Variants in ARRDC5 observed in about 807,000 individuals in gnomAD.
ARRDC5 encodes arrestin domain containing 5, also known as arrestin domain-containing protein 5.
In ARRDC5, 12 loss-of-function variants were observed where a neutral mutation model predicts 13.3. The ratio of observed to expected loss-of-function variants is 0.90; its 90% confidence interval spans 0.58 to 1.46. ARRDC5 has a LOEUF of 1.46. ARRDC5 is among the 40% of genes most tolerant of loss of function. The probability of loss-of-function intolerance (pLI) is 0.00; values close to 1 mark genes in which losing one functional copy is unlikely to be tolerated. For synonymous variants in ARRDC5, 181 were observed against 173.4 expected (o/e 1.04, Z -0.34); for missense variants, 406 against 418.7 (o/e 0.97, Z 0.26).
intron 2 of ARRDC5, among the ~76,000 whole-genome samples, chr19:4,892,237 G>A (rs1178378788): frequency 2.6e-5 from 4 of 151,788 alleles, no homozygotes; most frequent in Admixed American, 6.6e-5. Flanking sequence ...ACAGGCGCAC[G>A]CCACCACACC....
chr19:4,910,877 G>T, the ARRDC5 span: 539,003 of 1,601,638 alleles, frequency 0.34, 93,713 homozygotes, highest in African/African-American at 0.48. Context: ...TCCCCTCAGC[G>T]CCGACACCAT....
intron 1 of ARRDC5, among the ~76,000 whole-genome samples, chr19:4,899,894 G>C (rs985751485): frequency 6.8e-5 from 10 of 146,758 alleles, no homozygotes; most frequent in African/African-American, 2.5e-4. Context: ...AGCCAAGATT[G>C]CACCACTGCA....
At chr19:4,903,131 A>G, upstream of ARRDC5, 1 of 344,506 alleles carries the variant, frequency 2.9e-6, no homozygotes, top group Non-Finnish European at 5.6e-6. Flanking sequence ...GGTTCAAGCA[A>G]TTCTCCTGCC....
In ARRDC5 at chr19:4,902,692, A is replaced by G; in HGVS notation, c.134T>C (p.Val45Ala). The change falls in exon 1 of 3, where the codon GTG becomes GCG. Residue 45 changes from valine to alanine, a missense_variant. Transcript: ENST00000650722. The part of the protein sequence containing the change: ...LVDPIVKVEL[V>A]GRGYVEWSEE... ...ACTCCATTCGACGTAACCCCTTCCC[A>G]CGAGCTCCACCTTCACTATGGGGTC... 5.6e-6 allele frequency: 9 copies of G among 1,613,844 alleles called. No homozygotes were observed. The highest frequency in any genetic ancestry group is 6.8e-6 in the Non-Finnish European group (8 of 1,179,860).
intron 2 of ARRDC5, among the ~76,000 whole-genome samples, chr19:4,892,789 TTG>T (rs1375055467): frequency 1.3e-5 from 2 of 152,056 alleles, no homozygotes; most frequent in Non-Finnish European, 2.9e-5. Context: ...AATTGATTTT[TTG>T]TGATATTGCC....
At chr19:4,904,303 C>T (rs1002449765), upstream of ARRDC5, among the ~76,000 whole-genome samples, 1 of 152,114 alleles carries the variant, frequency 6.6e-6, no homozygotes, top group Non-Finnish European at 1.5e-5. Flanking sequence ...CTCAGCTTCC[C>T]GAGTAGCTGG....
At chr19:4,916,324 A>G in the ARRDC5 span, among the ~76,000 whole-genome samples, 19 of 151,946 alleles carry the variant, frequency 1.3e-4, no homozygotes, top group Admixed American at 2.0e-4. Flanking sequence ...AAAAAACCAA[A>G]TAAATTGAAA....
chr19:4,903,029 CT>C (rs575208681), upstream of ARRDC5: 19,128 of 436,622 alleles, frequency 0.044, no homozygotes, highest in East Asian at 0.13. Context: ...CTCACTGGTT[CT>C]TTTTTTTTTT....
chr19:4,891,187 G>C lies in ARRDC5; in HGVS notation c.846C>G (p.Val282=). 2.5e-6 allele frequency: 4 copies of C among 1,613,920 alleles called. No homozygotes were observed. Among genetic ancestry groups the C allele is most frequent in the Non-Finnish European group, 3.4e-6 (4 of 1,179,870 alleles). Residue 282 remains valine (V), a synonymous_variant, in exon 3 of 3, where the codon GTC becomes GTG. Transcript: ENST00000650722. ...GEIMHTRYEL[V]TTVHLPWSLT... ...GGGACCAGGGCAGGTGCACGGTGGT[G>C]ACCAGCTCGTAGCGAGTGTGCATGA... is the stretch of plus-strand genomic sequence containing the variant.
intron 2 of ARRDC5, among the ~76,000 whole-genome samples, chr19:4,896,238 C>G (rs986726025): frequency 1.4e-5 from 2 of 143,670 alleles, no homozygotes; most frequent in East Asian, 4.7e-4. Flanking sequence ...TCGCTTGAAC[C>G]TGGGAGGCGG....
chr19:4,905,157 C>T (rs1419775866), upstream of ARRDC5, among the ~76,000 whole-genome samples: 9 of 145,212 alleles, frequency 6.2e-5, no homozygotes, highest in Non-Finnish European at 1.2e-4. Flanking sequence ...TGCTCAGTCG[C>T]CCAGGCTGGA....
At chr19:4,902,445 T>C in intron 1 of ARRDC5, 128 bp downstream of exon 1, 1 of 885,428 alleles carries the variant, frequency 1.1e-6, no homozygotes, top group Non-Finnish European at 1.7e-6. Context: ...GCCTCCCTCC[T>C]AGGGAGAAAT....
the ARRDC5 span, among the ~76,000 whole-genome samples, chr19:4,908,422 G>A: frequency 6.6e-5 from 10 of 152,006 alleles, no homozygotes; most frequent in African/African-American, 9.7e-5. Flanking sequence ...AGTCCTCCCC[G>A]GTGGCCTTCA....
chr19:4,894,990 C>G (rs1305328646), intron 2 of ARRDC5, among the ~76,000 whole-genome samples: 2 of 152,096 alleles, frequency 1.3e-5, no homozygotes, highest in Non-Finnish European at 1.5e-5. Context: ...GCGTTAGGAC[C>G]CTGCAGGTGT....
chr19:4,896,263 CGAGA>C (rs57059566), intron 2 of ARRDC5, among the ~76,000 whole-genome samples: 34,581 of 141,762 alleles, frequency 0.24, 4,855 homozygotes, highest in East Asian at 0.57. Context: ...TACAGTGAGC[CGAGA>C]TCATGCCTCT....
At chr19:4,902,215 T>C (rs1460440805) in intron 1 of ARRDC5, among the ~76,000 whole-genome samples, 1 of 152,122 alleles carries the variant, frequency 6.6e-6, no homozygotes, top group Non-Finnish European at 1.5e-5. Flanking sequence ...TCCCCATGAA[T>C]GCAGGACTGC....
At chr19:4,895,463 G>GA (rs1215008714) in intron 2 of ARRDC5, among the ~76,000 whole-genome samples, 3 of 148,272 alleles carry the variant, frequency 2.0e-5, no homozygotes, top group East Asian at 2.0e-4. Flanking sequence ...AAAGAAAAAG[G>GA]AAAAAAAATG....
chr19:4,909,705 G>T, the ARRDC5 span: 1 of 503,694 alleles, frequency 2.0e-6, no homozygotes. Flanking sequence ...GGCGCACGGG[G>T]CTCGGGAACT....
the ARRDC5 span, chr19:4,909,532 G>C: frequency 4.6e-6 from 3 of 659,202 alleles, no homozygotes; most frequent in Non-Finnish European, 8.2e-6. Flanking sequence ...GGCAGCGTTT[G>C]CCGAGCGGGC....
Sources: gnomAD v4.1 joint callset for allele counts (sites outside exome capture counted in the v4.1 genomes callset) on GRCh38, gnomAD v4.1.1 for gene constraint, MANE v1.5 for transcripts, NCBI Gene and HGNC (gene_info 2026-07-23, HGNC 2026-07-21) for gene names.